Variants in FAM78B observed in about 807,000 individuals in gnomAD.
FAM78B encodes family with sequence similarity 78 member B, also known as protein FAM78B.
A neutral mutation model predicts 20.0 loss-of-function variants in FAM78B; 10 were observed. The ratio of observed to expected loss-of-function variants is 0.50; its 90% CI spans 0.31 to 0.85. The LOEUF (loss-of-function observed/expected upper bound fraction) is 0.85, where lower values mean the gene tolerates loss of function less well. FAM78B is among the 40% of genes least tolerant of loss of function. FAM78B has a pLI of 0.05. For synonymous variants in FAM78B, 135 were observed against 132.8 expected (o/e 1.02, Z -0.12); for missense variants, 283 against 345.0 (o/e 0.82, Z 1.42).
At chr1:166,096,209 A>T (rs1353633989) in intron 1 of FAM78B, among the ~76,000 whole-genome samples, 2 of 152,178 alleles carry the variant, frequency 1.3e-5, no homozygotes, top group Non-Finnish European at 2.9e-5. Context: ...ACTTGCTTTG[A>T]CTGCTGGGGA....
intron 1 of FAM78B, among the ~76,000 whole-genome samples, chr1:166,131,537 C>A (rs1214184800): frequency 1.3e-5 from 2 of 152,116 alleles, no homozygotes; most frequent in South Asian, 4.1e-4. Flanking sequence ...CAAGCAACAG[C>A]AACGTTAGTT....
chr1:166,084,237 A>ACACACACT (rs771421402), intron 1 of FAM78B, among the ~76,000 whole-genome samples: 11,741 of 125,178 alleles, frequency 0.094, 645 homozygotes, highest in Non-Finnish European at 0.13. Context: ...ACACACACAC[A>ACACACACT]CTCTCTCTCT....
intron 1 of FAM78B, among the ~76,000 whole-genome samples, chr1:166,134,273 G>T (rs75741186): frequency 0.029 from 3,894 of 135,698 alleles, 223 homozygotes; most frequent in Admixed American, 0.16. Context: ...TTTATTTACT[G>T]ATCCACAGTA....
chr1:166,146,527 T>C (rs993046411), intron 1 of FAM78B, among the ~76,000 whole-genome samples: 4 of 152,174 alleles, frequency 2.6e-5, no homozygotes, highest in African/African-American at 9.7e-5. Context: ...GAGATTTCTA[T>C]AACCTAACTG....
In FAM78B at chr1:166,156,273, G is replaced by A. The variant is rs138376027; in HGVS notation, c.263+9713C>T. On this transcript the variant is annotated intron_variant, in intron 1 of 1. Transcript: ENST00000354422. ...AGCCTGAAAATTTCTCTTTGCGCTT[G>A]TTGAAGACATTTAGGTGGTCCTGTT... is the stretch of plus-strand genomic sequence containing the variant. Among the ~76,000 whole-genome samples the A allele has an allele frequency of 2.4e-4, 36 of 152,346 alleles. 1 individual carries two copies. The East Asian group carries it at 6.4e-3, about 27-fold the overall frequency.
At chr1:166,099,438 G>A (rs962476159) in intron 1 of FAM78B, among the ~76,000 whole-genome samples, 4 of 152,176 alleles carry the variant, frequency 2.6e-5, no homozygotes, top group African/African-American at 9.7e-5. Context: ...AACATTGAAC[G>A]TAAATGGTCT....
rs112057417 is a variant in FAM78B at position 166,155,866 on chromosome 1, C to T, written c.263+10120G>A. 9.8e-5 allele frequency among the ~76,000 whole-genome samples: 15 copies of T among 152,288 alleles called. 1 individual carries two copies. Among genetic ancestry groups the T allele is most frequent in the African/African-American group, 3.1e-4 (13 of 41,558 alleles). On this transcript the variant is annotated intron_variant, in intron 1 of 1. Coordinates refer to ENST00000354422, the MANE Select transcript of FAM78B (RefSeq NM_001017961.5). ...GTCTGATTCCCTTCACGCCTCTCTT[C>T]CCCTACATATCCCAGCCTGAGCCCC...
chr1:166,109,853 T>C lies in FAM78B; in HGVS notation c.264-39090A>G, dbSNP rs1238737869. Among the ~76,000 whole-genome samples the C allele has an allele frequency of 1.6e-4, 4 of 25,590 alleles. 1 individual carries two copies. Among genetic ancestry groups the C allele is most frequent in the Non-Finnish European group, 3.3e-4 (4 of 11,992 alleles). 16.8% of individuals were successfully genotyped at this position (25,590 alleles called of 152,430 possible). A position where few individuals can be genotyped will look rare whatever the true frequency, so the allele number is the denominator to read the frequency against. The stretch of plus-strand genomic sequence containing the variant: ...ATATGTATATATGTATATATATATA[T>C]ATATATATGTATGTGTATATATATA... On this transcript the variant is annotated intron_variant, in intron 1 of 1. Coordinates refer to ENST00000354422, the MANE Select transcript of FAM78B (RefSeq NM_001017961.5).
intron 1 of FAM78B, among the ~76,000 whole-genome samples, chr1:166,149,185 G>A (rs1655587299): frequency 6.6e-6 from 1 of 152,238 alleles, no homozygotes; most frequent in Middle Eastern, 3.4e-3. Flanking sequence ...GGGTCAAATG[G>A]TATTTCTAGT....
chr1:166,122,665 C>T (rs749733438), intron 1 of FAM78B, among the ~76,000 whole-genome samples: 6 of 152,142 alleles, frequency 3.9e-5, no homozygotes, highest in Non-Finnish European at 7.3e-5. Context: ...ATCTGTGTGT[C>T]GTTCTATATG....
At chr1:166,067,221 TCTTGGCTCTTC>T (rs1651828793), downstream of FAM78B, among the ~76,000 whole-genome samples, 1 of 151,982 alleles carries the variant, frequency 6.6e-6, no homozygotes, top group Non-Finnish European at 1.5e-5. Context: ...TGGGGCCTTC[TCTTGGCTCTTC>T]AGCTGGCTAG....
chr1:166,109,890 G>GTATATATGTGTA (rs1557903394), intron 1 of FAM78B, among the ~76,000 whole-genome samples: 2 of 23,188 alleles, frequency 8.6e-5, no homozygotes, highest in Non-Finnish European at 2.3e-4. Context: ...ATGTATATAT[G>GTATATATGTGTA]TATATATATA....
intron 1 of FAM78B, among the ~76,000 whole-genome samples, chr1:166,158,009 G>A (rs544751651): frequency 6.6e-6 from 1 of 152,218 alleles, no homozygotes; most frequent in Non-Finnish European, 1.5e-5. Context: ...ATGCAAGGAG[G>A]TTCACACACA....
At chr1:166,148,483 C>G (rs1490782264) in intron 1 of FAM78B, among the ~76,000 whole-genome samples, 2 of 152,166 alleles carry the variant, frequency 1.3e-5, no homozygotes, top group African/African-American at 4.8e-5. Context: ...GCCATAGTTT[C>G]ATTATATGTG....
chr1:166,094,722 C>T (rs146794079), intron 1 of FAM78B, among the ~76,000 whole-genome samples: 39 of 152,222 alleles, frequency 2.6e-4, no homozygotes, highest in Non-Finnish European at 4.3e-4. Flanking sequence ...ATATTCTGGA[C>T]GGAGCCCTGA....
intron 1 of FAM78B, chr1:166,081,311 G>A (rs947498307): frequency 2.6e-5 from 4 of 152,220 alleles, no homozygotes; most frequent in African/African-American, 7.2e-5. Flanking sequence ...TCACCACGTG[G>A]AGGTCAGGTT....
chr1:166,089,153 CT>C (rs1309795304), intron 1 of FAM78B, among the ~76,000 whole-genome samples: 1 of 152,208 alleles, frequency 6.6e-6, no homozygotes, highest in African/African-American at 2.4e-5. Flanking sequence ...GATACCTCCC[CT>C]GATCCATGCA....
chr1:166,151,857 A>C (rs1376661), intron 1 of FAM78B, among the ~76,000 whole-genome samples: 1 of 152,148 alleles, frequency 6.6e-6, no homozygotes, highest in Non-Finnish European at 1.5e-5. Flanking sequence ...CCTCTCCCCT[A>C]CTGTTCAACT....
At chr1:166,155,804 G>C (rs1289348839) in intron 1 of FAM78B, among the ~76,000 whole-genome samples, 3 of 151,976 alleles carry the variant, frequency 2.0e-5, no homozygotes, top group Non-Finnish European at 2.9e-5. Context: ...AGAGGGAATA[G>C]AAGGTAAGTA....
Sources: allele counts gnomAD v4.1 joint callset (sites outside exome capture counted in the v4.1 genomes callset), GRCh38; gene constraint gnomAD v4.1.1; transcripts MANE v1.5; gene names NCBI Gene and HGNC (gene_info 2026-07-23, HGNC 2026-07-21).